Variants in FAM222A observed in about 807,000 individuals in gnomAD.
FAM222A encodes the protein family with sequence similarity 222 member A.
FAM222A carries 7 observed loss-of-function variants against 25.8 expected under a neutral mutation model. The ratio of observed to expected loss-of-function variants is 0.27; its 90% CI spans 0.15 to 0.51. The LOEUF (loss-of-function observed/expected upper bound fraction) is 0.51. FAM222A is among the 20% of genes least tolerant of loss of function. FAM222A has a pLI of 0.97. For missense variants in FAM222A, 573 were observed against 640.5 expected, an observed-to-expected ratio of 0.89 and a Z score of 1.14; for synonymous variants, 294 against 298.8, an observed-to-expected ratio of 0.98 and a Z score of 0.17.
rs376914566 is a variant in FAM222A, at chr12:109,768,897, G to A, written c.968G>A (p.Arg323Gln). 6.4e-5 allele frequency: 102 copies of A among 1,581,546 alleles called. No homozygotes were observed. The African/African-American group carries it at 7.8e-4, about 12-fold the overall frequency. ...GCTTGCGGGGGCCGGGCATACGAGC[G>A]GGCCAGCGGGTCACCCCTCAACTGT... ...PEACGGRAYE[R>Q]ASGSPLNCGV... Residue 323 changes from arginine to glutamine, a missense_variant, in exon 3 of 3, where the codon CGG becomes CAG. Arg to Gln is a conservative substitution (Grantham distance 43). Around this residue, in one of 3 missense-constraint regions of FAM222A, gnomAD observed 412 missense variants for 407.0 expected, o/e 1.01. Transcript: ENST00000538780.
At chr12:109,748,157 TATGA>T (rs1184295155) in intron 2 of FAM222A, among the ~76,000 whole-genome samples, 2 of 152,192 alleles carry the variant, frequency 1.3e-5, no homozygotes, top group Admixed American at 6.5e-5. Context: ...GGTGAGTTAA[TATGA>T]ATAATAGATT....
At chr12:109,728,875 C>A (rs1187366199) in intron 1 of FAM222A, among the ~76,000 whole-genome samples, 4 of 152,178 alleles carry the variant, frequency 2.6e-5, no homozygotes, top group African/African-American at 9.7e-5. Context: ...GCAGGGAGCT[C>A]CCGTTCCATC....
intron 1 of FAM222A, among the ~76,000 whole-genome samples, chr12:109,728,414 T>C (rs1478903249): frequency 6.6e-6 from 1 of 152,198 alleles, no homozygotes. Flanking sequence ...ATCCCCACTT[T>C]GCCTCGTCTG....
chr12:109,759,199 C>G (rs1442503799), intron 2 of FAM222A, among the ~76,000 whole-genome samples: 4 of 152,184 alleles, frequency 2.6e-5, no homozygotes, highest in Non-Finnish European at 5.9e-5. Context: ...GACTTGCCCT[C>G]TCCAAGCCTC....
intron 2 of FAM222A, among the ~76,000 whole-genome samples, chr12:109,757,185 A>G (rs544853260): frequency 6.6e-6 from 1 of 152,366 alleles, no homozygotes; most frequent in Non-Finnish European, 1.5e-5. Context: ...ACCTAAATAA[A>G]CTTAGAAATA....
intron 1 of FAM222A, among the ~76,000 whole-genome samples, chr12:109,719,915 T>C (rs1887717487): frequency 6.6e-6 from 1 of 152,174 alleles, no homozygotes. Flanking sequence ...GTCGCAGACC[T>C]GGGCTGAAAC....
At chr12:109,718,151 A>C (rs1267042758) in intron 1 of FAM222A, among the ~76,000 whole-genome samples, 1 of 152,144 alleles carries the variant, frequency 6.6e-6, no homozygotes, top group Non-Finnish European at 1.5e-5. Context: ...ACTCAAACGC[A>C]TGTTGTCATG....
chr12:109,751,046 T>C (rs1888546616), intron 2 of FAM222A, among the ~76,000 whole-genome samples: 1 of 152,184 alleles, frequency 6.6e-6, no homozygotes, highest in Admixed American at 6.5e-5. Flanking sequence ...TTAGTTTCCT[T>C]CCTTGGGGAC....
chr12:109,745,980 C>G (rs4766629), intron 2 of FAM222A, among the ~76,000 whole-genome samples: 1 of 151,492 alleles, frequency 6.6e-6, no homozygotes, highest in Non-Finnish European at 1.5e-5. Context: ...ATGATGGAAT[C>G]AGACCTCTGT....
intron 1 of FAM222A, among the ~76,000 whole-genome samples, chr12:109,730,858 C>T (rs563538262): frequency 6.6e-6 from 1 of 152,280 alleles, no homozygotes; most frequent in African/African-American, 2.4e-5. Context: ...CCCTGCCCTC[C>T]TCCCCCGCTG....
chr12:109,745,683 G>A (rs1358959321), intron 2 of FAM222A, among the ~76,000 whole-genome samples: 1 of 152,070 alleles, frequency 6.6e-6, no homozygotes, highest in African/African-American at 2.4e-5. Flanking sequence ...GTTTTGTTTT[G>A]TTTAGGGATA....
At chr12:109,753,147 G>A (rs566940690) in intron 2 of FAM222A, among the ~76,000 whole-genome samples, 4 of 152,170 alleles carry the variant, frequency 2.6e-5, no homozygotes, top group East Asian at 3.9e-4. Flanking sequence ...GAGAGGCACC[G>A]TGGGGGCCTG....
chr12:109,727,673 A>T (rs1887868648), intron 1 of FAM222A, among the ~76,000 whole-genome samples: 2 of 152,068 alleles, frequency 1.3e-5, no homozygotes, highest in South Asian at 2.1e-4. Flanking sequence ...TGGGGTGGGG[A>T]TGTGGCCGAC....
chr12:109,767,296 G>T (rs1889081224), intron 2 of FAM222A, among the ~76,000 whole-genome samples: 2 of 152,034 alleles, frequency 1.3e-5, no homozygotes, highest in Admixed American at 6.5e-5. Context: ...GGGAGGCTGA[G>T]GCAGGAGGAT....
At chr12:109,725,679 T>C (rs1208444564) in intron 1 of FAM222A, among the ~76,000 whole-genome samples, 1 of 151,760 alleles carries the variant, frequency 6.6e-6, no homozygotes, top group African/African-American at 2.4e-5. Context: ...CAGCTCCCAT[T>C]GTAATCATTA....
chr12:109,754,930 C>G (rs1450938307), intron 2 of FAM222A, among the ~76,000 whole-genome samples: 1 of 152,164 alleles, frequency 6.6e-6, no homozygotes, highest in Non-Finnish European at 1.5e-5. Context: ...CTCAGCCTCC[C>G]AAAGCACTGG....
intron 1 of FAM222A, chr12:109,722,442 A>G (rs1007862581): frequency 1.3e-5 from 2 of 151,934 alleles, no homozygotes; most frequent in Non-Finnish European, 1.5e-5. Flanking sequence ...AACAGTGCCT[A>G]GTGCACAGTA....
At chr12:109,725,864 T>C (rs574071289) in intron 1 of FAM222A, among the ~76,000 whole-genome samples, 2 of 152,096 alleles carry the variant, frequency 1.3e-5, no homozygotes, top group African/African-American at 4.8e-5. Flanking sequence ...ATACAATTGC[T>C]ATAAACATAA....
intron 1 of FAM222A, among the ~76,000 whole-genome samples, chr12:109,720,539 C>G (rs1887728590): frequency 6.6e-6 from 1 of 152,250 alleles, no homozygotes; most frequent in Non-Finnish European, 1.5e-5. Context: ...AGATCTCCGT[C>G]TCTTCATCTG....
Sources: gnomAD v4.1 joint callset for allele counts (sites outside exome capture counted in the v4.1 genomes callset) on GRCh38, gnomAD v4.1.1 for gene constraint, gnomAD v4.1.1 regional missense constraint, MANE v1.5 for transcripts, NCBI Gene and HGNC (gene_info 2026-07-23, HGNC 2026-07-21) for gene names.